Variants in FHOD3 observed in about 807,000 individuals in gnomAD.
FHOD3 encodes formin homology 2 domain containing 3.
A neutral mutation model predicts 173.0 loss-of-function variants in FHOD3; 90 were observed. That is an observed-to-expected ratio of 0.52 (90% CI 0.44 to 0.62). FHOD3 has a LOEUF of 0.62. Ranked by LOEUF, FHOD3 falls within the 20% of genes least tolerant of loss-of-function variation. The pLI, the probability that FHOD3 is intolerant of heterozygous loss-of-function variation, is 0.00. For synonymous variants in FHOD3, 828 were observed against 823.0 expected (o/e 1.01, Z -0.10); for missense variants, 1,945 against 2,034.7 (o/e 0.96, Z 0.85).
At position 36,498,881 on chromosome 18, in the gene FHOD3, A is replaced by G. The variant is rs77385631; in HGVS notation, c.338-3051A>G. 9.7e-3 allele frequency among the ~76,000 whole-genome samples: 1,473 copies of G among 152,308 alleles called. 22 individuals carry two copies. The highest frequency in any genetic ancestry group is 0.033 in the African/African-American group (1,363 of 41,546). ...ATTTTAAAAACTGATTATTTTGACT[A>G]CAGCACCAAGTAGTAAAACCTTAAT... On this transcript the variant is annotated intron_variant, in intron 3 of 28. Transcript: ENST00000590592.
At chr18:36,588,612 G>A (rs1568462423) in intron 6 of FHOD3, among the ~76,000 whole-genome samples, 1 of 152,168 alleles carries the variant, frequency 6.6e-6, no homozygotes, top group Non-Finnish European at 1.5e-5. Flanking sequence ...TTAGGAATTT[G>A]AAGATTTTTT....
At chr18:36,764,940 C>G (rs1439283791) in intron 27 of FHOD3, among the ~76,000 whole-genome samples, 1 of 152,168 alleles carries the variant, frequency 6.6e-6, no homozygotes, top group Non-Finnish European at 1.5e-5. Flanking sequence ...TCTCTGTGAG[C>G]ATTTGCCAAA....
chr18:36,298,112 C>A (rs1598612988), intron 1 of FHOD3, 112 bp downstream of exon 1: 2 of 994,278 alleles, frequency 2.0e-6, no homozygotes, highest in Non-Finnish European at 2.7e-6. Flanking sequence ...GGGCGCGGCC[C>A]GGGGGGACCA....
At chr18:36,522,832 G>A (rs895621428) in intron 5 of FHOD3, among the ~76,000 whole-genome samples, 2 of 152,214 alleles carry the variant, frequency 1.3e-5, no homozygotes, top group Non-Finnish European at 2.9e-5. Flanking sequence ...GCATGATCAG[G>A]AGATGTGAAA....
intron 8 of FHOD3, among the ~76,000 whole-genome samples, chr18:36,605,115 T>C (rs2031909966): frequency 6.6e-6 from 1 of 152,222 alleles, no homozygotes; most frequent in Admixed American, 6.5e-5. Context: ...TCAAATCTTT[T>C]TGTGAGCTCA....
At chr18:36,619,160 G>C (rs1418701351) in intron 9 of FHOD3, among the ~76,000 whole-genome samples, 1 of 152,070 alleles carries the variant, frequency 6.6e-6, no homozygotes. Flanking sequence ...TTCTGCTAGG[G>C]CTGTAAATAC....
intron 3 of FHOD3, among the ~76,000 whole-genome samples, chr18:36,386,725 G>A (rs996276812): frequency 9.9e-5 from 15 of 152,228 alleles, no homozygotes; most frequent in Non-Finnish European, 2.1e-4. Flanking sequence ...AGTTCTAGGT[G>A]TGGCCCTGCC....
intron 3 of FHOD3, among the ~76,000 whole-genome samples, chr18:36,480,735 C>T (rs1183905815): frequency 6.6e-6 from 1 of 152,180 alleles, no homozygotes; most frequent in East Asian, 1.9e-4. Context: ...CAGCCTGGTG[C>T]AGTAGAATAG....
chr18:36,571,661 A>G (rs2058457004), intron 5 of FHOD3, among the ~76,000 whole-genome samples: 1 of 152,266 alleles, frequency 6.6e-6, no homozygotes, highest in African/African-American at 2.4e-5. Flanking sequence ...GGCATTGGCA[A>G]AGGGTTGGAC....
At chr18:36,417,950 T>C (rs1276049797) in intron 3 of FHOD3, among the ~76,000 whole-genome samples, 1 of 152,268 alleles carries the variant, frequency 6.6e-6, no homozygotes, top group Non-Finnish European at 1.5e-5. Context: ...GCTTTTTGTT[T>C]TTAAATTGTT....
At chr18:36,330,194 T>A (rs2044913185) in intron 1 of FHOD3, among the ~76,000 whole-genome samples, 1 of 152,188 alleles carries the variant, frequency 6.6e-6, no homozygotes, top group Non-Finnish European at 1.5e-5. Context: ...AGTCACAGGT[T>A]TTCTCCTCAT....
intron 5 of FHOD3, among the ~76,000 whole-genome samples, chr18:36,523,461 G>A (rs930382664): frequency 1.3e-5 from 2 of 152,190 alleles, no homozygotes; most frequent in Non-Finnish European, 2.9e-5. Context: ...TGAGGATTCT[G>A]AGGCCACATC....
At chr18:36,548,318 A>G (rs888571696) in intron 5 of FHOD3, among the ~76,000 whole-genome samples, 1 of 152,180 alleles carries the variant, frequency 6.6e-6, no homozygotes, top group Non-Finnish European at 1.5e-5. Context: ...TCAATTTGTT[A>G]TGGTGATATT....
intron 5 of FHOD3, among the ~76,000 whole-genome samples, chr18:36,539,063 C>G (rs2057103854): frequency 6.6e-6 from 1 of 152,336 alleles, no homozygotes; most frequent in South Asian, 2.1e-4. Context: ...AGTAAAAAAT[C>G]AGTACGCATC....
At chr18:36,534,303 T>C (rs1322559693) in intron 5 of FHOD3, among the ~76,000 whole-genome samples, 1 of 152,042 alleles carries the variant, frequency 6.6e-6, no homozygotes, top group African/African-American at 2.4e-5. Context: ...CTGTTGTTTC[T>C]AAAGAGTGAG....
chr18:36,544,829 G>A (rs1040971334), intron 5 of FHOD3: 14 of 152,074 alleles, frequency 9.2e-5, no homozygotes, highest in African/African-American at 3.1e-4. Context: ...TACTTTTCCA[G>A]CAATATAAAA....
chr18:36,419,225 G>A (rs1231505542), intron 3 of FHOD3, among the ~76,000 whole-genome samples: 1 of 151,584 alleles, frequency 6.6e-6, no homozygotes, highest in Non-Finnish European at 1.5e-5. Context: ...TGGTCAGAGG[G>A]TACTTTGGAA....
chr18:36,632,217 A>G (rs1273746186), intron 10 of FHOD3, among the ~76,000 whole-genome samples: 1 of 152,246 alleles, frequency 6.6e-6, no homozygotes, highest in East Asian at 1.9e-4. Flanking sequence ...CCACATCATC[A>G]CTGAATGTTA....
chr18:36,485,555 A>G (rs1304734804), intron 3 of FHOD3, among the ~76,000 whole-genome samples: 2 of 152,208 alleles, frequency 1.3e-5, no homozygotes, highest in African/African-American at 4.8e-5. Context: ...GACTCAGATG[A>G]GACAAGTAGA....
Sources: gnomAD v4.1 joint callset for allele counts (sites outside exome capture counted in the v4.1 genomes callset) on GRCh38, gnomAD v4.1.1 for gene constraint, MANE v1.5 for transcripts, NCBI Gene and HGNC (gene_info 2026-07-23, HGNC 2026-07-21) for gene names.